The following CELF1 variants were observed in gnomAD, a reference collection of about 807,000 sequenced individuals.
The protein encoded by CELF1 is 50 kDa nuclear polyadenylated RNA-binding protein.
CELF1 carries 10 observed loss-of-function variants against 61.8 expected under a neutral mutation model. That is an observed-to-expected ratio of 0.16 (90% CI 0.10 to 0.27). The LOEUF (loss-of-function observed/expected upper bound fraction) is 0.27. CELF1 is among the 10% of genes least tolerant of loss of function. The probability of loss-of-function intolerance (pLI) is 1.00; values close to 1 mark genes in which losing one functional copy is unlikely to be tolerated. For missense variants in CELF1, 380 were observed against 639.1 expected (o/e 0.59, Z 4.37); for synonymous variants, 236 against 225.1 (o/e 1.05, Z -0.43).
intron 14 of CELF1, 101 bp downstream of exon 14, chr11:47,472,987 C>T (rs1228386353): frequency 2.4e-5 from 33 of 1,374,644 alleles, no homozygotes; most frequent in Non-Finnish European, 3.1e-5. Flanking sequence ...CAAGTTAAAA[C>T]AACACCACAA....
intron 8 of CELF1, 70 bp downstream of exon 8, chr11:47,483,383 G>A (rs11607518): frequency 0.045 from 54,702 of 1,204,526 alleles, 1,456 homozygotes; most frequent in Middle Eastern, 0.061. Flanking sequence ...CATGCTGCTG[G>A]ACTTTAATGG....
rs2077024324 is a variant in CELF1 at position 47,468,337 on chromosome 11, T to TAC, written c.*3891_*3892dup. ...AGAAGAAAAACAAAAGAAAGAACAATACATGCGGTCTCCTCAAGCCCCACA... is the reference window on the plus strand; with the variant it reads ...AGAAGAAAAACAAAAGAAAGAACAATACACATGCGGTCTCCTCAAGCCCCACA... On this transcript the variant is annotated 3_prime_UTR_variant, in exon 15 of 15. Coordinates refer to ENST00000687097, the MANE Select transcript of CELF1 (RefSeq NM_001376376.1). 6.6e-6 allele frequency: 1 copy of TAC among 152,246 alleles called. No homozygotes were observed. Among genetic ancestry groups the TAC allele is most frequent in the African/African-American group, 2.4e-5 (1 of 41,416 alleles). 9.4% of individuals were successfully genotyped at this position (152,246 alleles called of 1,614,324 possible).
At chr11:47,536,744 T>G (rs528810051) in intron 1 of CELF1, among the ~76,000 whole-genome samples, 1 of 151,994 alleles carries the variant, frequency 6.6e-6, no homozygotes, top group Non-Finnish European at 1.5e-5. Flanking sequence ...CGTGACAGAG[T>G]GAGACTCCAT....
At chr11:47,552,669 T>C (rs1378770749) in intron 1 of CELF1, among the ~76,000 whole-genome samples, 1 of 152,076 alleles carries the variant, frequency 6.6e-6, no homozygotes, top group Admixed American at 6.5e-5. Flanking sequence ...GAGCTGGCCC[T>C]GGGCAGGGCA....
chr11:47,538,805 T>C (rs2096702478), intron 1 of CELF1, among the ~76,000 whole-genome samples: 1 of 152,168 alleles, frequency 6.6e-6, no homozygotes, highest in Non-Finnish European at 1.5e-5. Flanking sequence ...TTAGAAGCGC[T>C]AAACTGTCTT....
intron 2 of CELF1, among the ~76,000 whole-genome samples, chr11:47,558,760 A>G (rs1447303310): frequency 8.6e-6 from 1 of 116,918 alleles, no homozygotes; most frequent in Non-Finnish European, 1.6e-5. Context: ...TATATATAAT[A>G]TATATAATTG....
chr11:47,498,059 A>G (rs1219269351), intron 3 of CELF1, among the ~76,000 whole-genome samples: 3 of 152,228 alleles, frequency 2.0e-5, no homozygotes. Flanking sequence ...TACAGCTAAA[A>G]TAAAATTTTA....
At chr11:47,483,642 T>G (rs2084809843) in intron 7 of CELF1, 110 bp from the exon 8 acceptor site, 1 of 771,198 alleles carries the variant, frequency 1.3e-6, no homozygotes, top group Admixed American at 2.0e-5. Context: ...ACACAGTCCC[T>G]GTTTTCAGGG....
chr11:47,525,916 T>A (rs1293798777), intron 1 of CELF1, among the ~76,000 whole-genome samples: 4 of 132,716 alleles, frequency 3.0e-5, no homozygotes, highest in African/African-American at 8.6e-5. Context: ...CCCGTCTCTA[T>A]CCACAAACAA....
At position 47,531,030 on chromosome 11, in the gene CELF1, T is replaced by C. The variant is rs2096456404; in HGVS notation, c.-154+21962A>G. On this transcript the variant is annotated intron_variant, in intron 1 of 14. Transcript: ENST00000687097. ...GGGAGGCCGAGGCGGATGGATTCCC[T>C]GAGGTCAGGAGTTTGAGACCAGCCT... Among the ~76,000 whole-genome samples the C allele has an allele frequency of 3.3e-5, 5 of 151,832 alleles. No homozygotes were observed. In the South Asian group the frequency reaches 1.0e-3, roughly 32 times the overall value.
At chr11:47,560,538 C>G (rs1438350957) in intron 2 of CELF1, among the ~76,000 whole-genome samples, 1 of 151,994 alleles carries the variant, frequency 6.6e-6, no homozygotes, top group African/African-American at 2.4e-5. Flanking sequence ...TAGGCAGATC[C>G]ACTGAGACAG....
Position 47,476,269 on chromosome 11 carries a change from G to A in CELF1, c.1087+577C>T, listed in dbSNP as rs149441133. ...GGCCTCCCAAACTGCTGGGACTATA[G>A]GTATGAGCCACTGTACCTGGCCTCA... On this transcript the variant is annotated intron_variant, in intron 12 of 14. Coordinates refer to ENST00000687097, the MANE Select transcript of CELF1 (RefSeq NM_001376376.1). 2.5e-4 allele frequency among the ~76,000 whole-genome samples: 38 copies of A among 152,232 alleles called. No homozygotes were observed. The East Asian group carries it at 5.8e-3, about 23-fold the overall frequency.
At chr11:47,537,451 G>A (rs2096658458) in intron 1 of CELF1, among the ~76,000 whole-genome samples, 1 of 151,986 alleles carries the variant, frequency 6.6e-6, no homozygotes, top group Admixed American at 6.6e-5. Context: ...GTTTCACCAT[G>A]TTGTCCAGGA....
chr11:47,526,833 C>T (rs2096261511), intron 1 of CELF1, among the ~76,000 whole-genome samples: 1 of 151,924 alleles, frequency 6.6e-6, no homozygotes, highest in Admixed American at 6.6e-5. Context: ...GATGGATCAC[C>T]TGAGGTCAGG....
chr11:47,508,568 TTA>T (rs1491466338), intron 1 of CELF1, among the ~76,000 whole-genome samples: 18 of 4,368 alleles, frequency 4.1e-3, no homozygotes, highest in East Asian at 9.6e-3. Flanking sequence ...ATGAATTTCT[TTA>T]AAAAAAAAAA....
chr11:47,499,103 T>G (rs1310974592), intron 3 of CELF1, among the ~76,000 whole-genome samples: 1 of 152,186 alleles, frequency 6.6e-6, no homozygotes, highest in Non-Finnish European at 1.5e-5. Context: ...TATTTGAAAT[T>G]GCATGTCCAA....
At position 47,468,958 on chromosome 11, in the gene CELF1, AAGAG is replaced by A. The variant is rs943440340; in HGVS notation, c.*3268_*3271del. On this transcript the variant is annotated 3_prime_UTR_variant, in exon 15 of 15. Transcript: ENST00000687097. Reference sequence around the variant, plus strand: ...TTACACAGAGCAATACATCCAAACAAAGAGAGAGAGAACAGGAACACTCACTGTG... The same window carrying A: ...TTACACAGAGCAATACATCCAAACAAAGAGAGAACAGGAACACTCACTGTG... The A allele has an allele frequency of 7.2e-5, 11 of 152,202 alleles. No individual in the cohort carries two copies. Among genetic ancestry groups the A allele is most frequent in the African/African-American group, 2.4e-4 (10 of 41,424 alleles). 9.4% of individuals were successfully genotyped at this position (152,202 alleles called of 1,614,324 possible). A position where few individuals can be genotyped will look rare whatever the true frequency, so the allele number is the denominator to read the frequency against.
chr11:47,541,716 A>C (rs1197970896), intron 1 of CELF1, among the ~76,000 whole-genome samples: 3 of 5,422 alleles, frequency 5.5e-4, no homozygotes, highest in African/African-American at 1.3e-3. Flanking sequence ...GAAAGAAAGA[A>C]AGAAAGAAAG....
chr11:47,513,976 T>A (rs1293403695), intron 1 of CELF1: 1 of 151,114 alleles, frequency 6.6e-6, no homozygotes, highest in Non-Finnish European at 1.5e-5. Flanking sequence ...TTGTCCAGGC[T>A]GGAGTGCAGT....
Sources: allele counts gnomAD v4.1 joint callset (sites outside exome capture counted in the v4.1 genomes callset), GRCh38; gene constraint gnomAD v4.1.1; transcripts MANE v1.5; gene names NCBI Gene and HGNC (gene_info 2026-07-23, HGNC 2026-07-21).